Variants in ITFG2 observed in about 807,000 individuals in gnomAD.
The protein encoded by ITFG2 is KICSTOR complex protein ITFG2.
In ITFG2, 36 loss-of-function variants were observed where a neutral mutation model predicts 54.4. The observed-to-expected ratio is 0.66, with a 90% CI of 0.51 to 0.87. The LOEUF is 0.87. Among genes scored for constraint, ITFG2 ranks in the 40% least tolerant of loss-of-function variants. The pLI is 0.00. For missense variants in ITFG2, 524 were observed against 576.7 expected (o/e 0.91, Z 0.94); for synonymous variants, 211 against 225.4 (o/e 0.94, Z 0.57).
At position 2,820,275 on chromosome 12, in the gene ITFG2, TC is replaced by T. The variant is rs764587259; in HGVS notation, c.546+51del. On this transcript the variant is annotated intron_variant, in intron 5 of 11. Coordinates refer to ENST00000228799, the MANE Select transcript of ITFG2 (RefSeq NM_018463.4). The stretch of plus-strand genomic sequence containing the variant: ...AGGCCCCAGGGAGCTGGGAGGAAGG[TC>T]TCCTGGAGGAGGTAGTGGGAGAGCA... 4.0e-6 allele frequency: 6 copies of T among 1,510,402 alleles called. No individual in the cohort carries two copies. The African/African-American group carries it at 8.4e-5, about 21-fold the overall frequency. The allele number at this position is 1,510,402 out of a possible 1,614,324, so 93.6% of individuals were successfully genotyped here.
chr12:2,832,288 C>G (rs529401078), upstream of ITFG2, among the ~76,000 whole-genome samples: 2 of 152,116 alleles, frequency 1.3e-5, no homozygotes, highest in East Asian at 3.9e-4. Flanking sequence ...TGATAGAGCT[C>G]AAGCTTTTGA....
chr12:2,852,079 T>C (rs1432837892), intron 2 of ITFG2, among the ~76,000 whole-genome samples: 1 of 152,228 alleles, frequency 6.6e-6, no homozygotes, highest in African/African-American at 2.4e-5. Context: ...TATAATCTTA[T>C]GGGACCGCTG....
At chr12:2,826,296 C>T (rs907014972), downstream of ITFG2, 53 of 151,718 alleles carry the variant, frequency 3.5e-4, no homozygotes, top group African/African-American at 1.2e-3. Context: ...CAAGCTTAAG[C>T]TCAAGAGGCC....
intron 2 of ITFG2, chr12:2,830,633 G>T: frequency 6.7e-7 from 1 of 1,483,606 alleles, no homozygotes; most frequent in South Asian, 1.3e-5. Context: ...CATCAGGGCA[G>T]AGCAGAAAGG....
downstream of ITFG2, chr12:2,827,635 A>G: frequency 6.2e-7 from 1 of 1,614,178 alleles, no homozygotes; most frequent in Non-Finnish European, 8.5e-7. This position sits in a 1 kb window ranked among gnomAD's most constrained non-coding sequence, Gnocchi z 4.0. Flanking sequence ...CTTGAGAGAA[A>G]GCAGAGTCTG....
chr12:2,847,530 C>G (rs10774067), intron 2 of ITFG2, among the ~76,000 whole-genome samples: 93,481 of 151,924 alleles, frequency 0.62, 29,692 homozygotes, highest in African/African-American at 0.77. Context: ...AGCCGGGCAT[C>G]GTGGCGCACG....
intron 4 of ITFG2, among the ~76,000 whole-genome samples, chr12:2,818,973 A>G (rs1014888360): frequency 8.6e-5 from 13 of 151,830 alleles, no homozygotes; most frequent in African/African-American, 2.7e-4. Context: ...ACCCAGGATC[A>G]TGCCACTGCA....
upstream of ITFG2, among the ~76,000 whole-genome samples, chr12:2,834,127 A>G (rs531188539): frequency 1.2e-3 from 181 of 152,330 alleles, 2 homozygotes; most frequent in Middle Eastern, 0.01. Context: ...AGCAGCACTC[A>G]AGGCGGCCAG....
upstream of ITFG2, among the ~76,000 whole-genome samples, chr12:2,835,897 A>T (rs935345977): frequency 6.6e-6 from 1 of 152,190 alleles, no homozygotes; most frequent in African/African-American, 2.4e-5. Flanking sequence ...ATTCTTCTGC[A>T]ATCTGCTCTT....
chr12:2,818,312 G>T, intron 4 of ITFG2, 35 bp downstream of exon 4: 3 of 1,605,856 alleles, frequency 1.9e-6, no homozygotes, highest in Non-Finnish European at 2.5e-6. Flanking sequence ...AGCCAGGAGA[G>T]TAGGAGTCAG....
intron 2 of ITFG2, chr12:2,849,197 C>T (rs1432501070): frequency 6.6e-7 from 1 of 1,512,124 alleles, no homozygotes; most frequent in East Asian, 2.5e-5. Flanking sequence ...GCCTGGGGCT[C>T]TGGGTATCAC....
upstream of ITFG2, among the ~76,000 whole-genome samples, chr12:2,833,530 G>A (rs765604671): frequency 1.2e-4 from 18 of 152,002 alleles, no homozygotes; most frequent in African/African-American, 3.9e-4. Flanking sequence ...TCAGGTTCCC[G>A]GGGAGAAGCA....
At chr12:2,823,673 T>C in intron 10 of ITFG2, 97 bp from the exon 11 acceptor site, 1 of 1,399,876 alleles carries the variant, frequency 7.1e-7, no homozygotes, top group Non-Finnish European at 9.5e-7. Flanking sequence ...AGTGGGAGGA[T>C]GGAAAGTGCT....
chr12:2,822,798 A>T lies in ITFG2; in HGVS notation c.953A>T (p.Asn318Ile), dbSNP rs758973639. The part of the protein sequence containing the change: ...FALEKLDVTG[N>I]GHEEVVACAW... ...TTTGTCTCTGTCCTTTTTCAGGGCA[A>T]CGGGCATGAGGAGGTAGTTGCATGC... The change falls in exon 10 of 12, where the codon AAC (asparagine) becomes ATC (isoleucine). Residue 318 changes from asparagine to isoleucine, a missense_variant. Transcript: ENST00000228799. The T allele has an allele frequency of 6.2e-7, 1 of 1,613,734 alleles. No homozygotes were observed. The highest frequency in any genetic ancestry group is 8.5e-7 in the Non-Finnish European group (1 of 1,179,750).
chr12:2,835,159 ATGTGTGTGTG>A (rs375198605), upstream of ITFG2: 15 of 1,127,448 alleles, frequency 1.3e-5, no homozygotes, highest in Admixed American at 8.2e-5. Context: ...GATGGGGCGT[ATGTGTGTGTG>A]TGTGTGTGTG....
chr12:2,847,940 A>G (rs1268152801), intron 2 of ITFG2, among the ~76,000 whole-genome samples: 1 of 152,140 alleles, frequency 6.6e-6, no homozygotes, highest in African/African-American at 2.4e-5. Context: ...TTTTTATTCT[A>G]TGAACACTGA....
chr12:2,854,769 G>C (rs1427950187), intron 2 of ITFG2: 2 of 967,016 alleles, frequency 2.1e-6, no homozygotes, highest in Admixed American at 5.8e-5. Flanking sequence ...ACTCAGAAAA[G>C]AGTTTGGTTT....
downstream of ITFG2, among the ~76,000 whole-genome samples, chr12:2,828,735 G>A (rs2005828): frequency 0.069 from 10,502 of 152,130 alleles, 508 homozygotes; most frequent in Non-Finnish European, 0.1. Context: ...CCAGCTACTC[G>A]GGAGGCTGAG....
intron 2 of ITFG2, among the ~76,000 whole-genome samples, chr12:2,841,377 T>A (rs530866064): frequency 6.6e-6 from 1 of 152,316 alleles, no homozygotes; most frequent in East Asian, 1.9e-4. Context: ...CTAGCAATGA[T>A]GAAGGGGCAG....
Sources: allele counts gnomAD v4.1 joint callset (sites outside exome capture counted in the v4.1 genomes callset), GRCh38; gene constraint gnomAD v4.1.1; non-coding constraint Gnocchi (gnomAD v3.1); transcripts MANE v1.5; gene names NCBI Gene and HGNC (gene_info 2026-07-23, HGNC 2026-07-21).